Variants in SGCD observed in about 807,000 individuals in gnomAD.
SGCD encodes delta-sarcoglycan.
Under a neutral mutation model 36.6 loss-of-function variants are expected in SGCD, and 18 were observed. That is an observed-to-expected ratio of 0.49 (90% CI 0.34 to 0.73). SGCD has a LOEUF of 0.73. Among genes scored for constraint, SGCD ranks in the 30% least tolerant of loss-of-function variants. The pLI is 0.01. For missense variants in SGCD, 387 were observed against 346.7 expected, an observed-to-expected ratio of 1.12 and a Z score of -0.92; for synonymous variants, 133 against 130.6, an observed-to-expected ratio of 1.02 and a Z score of -0.12.
At chr5:156,059,643 C>T (rs1760153694) in intron 1 of SGCD, among the ~76,000 whole-genome samples, 1 of 146,330 alleles carries the variant, frequency 6.8e-6, no homozygotes, top group South Asian at 2.2e-4. Context: ...TGTGACTTAG[C>T]TGCTACCTGG....
chr5:156,479,119 G>A lies in SGCD; in HGVS notation c.193-29482G>A, dbSNP rs535472132. ...TTATTTTTATTTTTTTCCTGAGACA[G>A]TCTGGCTATGTCACCTAGGCTGGAG... On this transcript the variant is annotated intron_variant, in intron 3 of 8. Transcript: ENST00000337851. Among the ~76,000 whole-genome samples, 143 of 152,046 alleles carry A rather than the reference G, an allele frequency of 9.4e-4. 2 individuals are homozygous for A. The highest frequency in any genetic ancestry group is 3.3e-3 in the African/African-American group (136 of 41,452).
intron 1 of SGCD, among the ~76,000 whole-genome samples, chr5:155,873,455 T>G (rs1755702302): frequency 6.6e-6 from 1 of 152,286 alleles, no homozygotes; most frequent in East Asian, 1.9e-4. Flanking sequence ...TTCTCACTTA[T>G]AAATGTCAGA....
chr5:155,809,639 G>C, the SGCD span, among the ~76,000 whole-genome samples: 1 of 152,142 alleles, frequency 6.6e-6, no homozygotes, highest in Non-Finnish European at 1.5e-5. Flanking sequence ...CAGGGAAAAA[G>C]AGCAAAGAGA....
chr5:156,653,675 T>C (rs1763562700), intron 7 of SGCD, among the ~76,000 whole-genome samples: 1 of 151,862 alleles, frequency 6.6e-6, no homozygotes, highest in Non-Finnish European at 1.5e-5. Flanking sequence ...GACCAGTGTG[T>C]CTGTGAATGT....
At chr5:155,935,131 T>G (rs955109253) in intron 1 of SGCD, among the ~76,000 whole-genome samples, 2 of 152,228 alleles carry the variant, frequency 1.3e-5, no homozygotes, top group Non-Finnish European at 2.9e-5. Flanking sequence ...GTGAGTCAAC[T>G]GATACCCTTT....
chr5:156,747,564 C>T (rs1176113250), intron 7 of SGCD, among the ~76,000 whole-genome samples: 1 of 152,130 alleles, frequency 6.6e-6, no homozygotes, highest in Non-Finnish European at 1.5e-5. Flanking sequence ...CTCATGGCCT[C>T]CCCTCCCTCA....
At chr5:156,408,531 G>C (rs551565562) in intron 3 of SGCD, among the ~76,000 whole-genome samples, 32 of 152,136 alleles carry the variant, frequency 2.1e-4, no homozygotes, top group African/African-American at 6.7e-4. Context: ...GCTGATTTTT[G>C]TCTTTTTAGT....
At chr5:155,967,853 A>G (rs1340254623) in intron 1 of SGCD, among the ~76,000 whole-genome samples, 1 of 152,048 alleles carries the variant, frequency 6.6e-6, no homozygotes, top group Non-Finnish European at 1.5e-5. Flanking sequence ...ACACCTCAAG[A>G]AGGAAAGCAC....
chr5:156,500,569 A>G (rs1026745443), intron 3 of SGCD, among the ~76,000 whole-genome samples: 3 of 152,250 alleles, frequency 2.0e-5, no homozygotes, highest in African/African-American at 7.2e-5. Flanking sequence ...CAAAGGAGCA[A>G]GAAAATCGCA....
intron 3 of SGCD, among the ~76,000 whole-genome samples, chr5:156,428,342 G>T (rs1282824584): frequency 1.3e-5 from 2 of 151,958 alleles, no homozygotes; most frequent in African/African-American, 2.4e-5. Flanking sequence ...GTTCATAGTA[G>T]CCTTGAATGA....
intron 1 of SGCD, among the ~76,000 whole-genome samples, chr5:156,000,869 G>C (rs1758650388): frequency 6.6e-6 from 1 of 151,944 alleles, no homozygotes; most frequent in African/African-American, 2.4e-5. Flanking sequence ...TGGGGCCTAA[G>C]AATTTGCGTA....
chr5:156,714,592 C>G (rs540431166), intron 7 of SGCD, among the ~76,000 whole-genome samples: 1 of 152,268 alleles, frequency 6.6e-6, no homozygotes, highest in South Asian at 2.1e-4. Context: ...AAACCTAAGC[C>G]TATGTTTCCC....
At chr5:156,347,076 C>T (rs1030568307) in intron 3 of SGCD, among the ~76,000 whole-genome samples, 1 of 152,136 alleles carries the variant, frequency 6.6e-6, no homozygotes, top group African/African-American at 2.4e-5. Context: ...GGATTACAGG[C>T]GTGAGCCACC....
Position 155,949,115 on chromosome 5 carries a change from GA to G in SGCD, c.-282+78695del, listed in dbSNP as rs1337587368. 2.0e-5 allele frequency among the ~76,000 whole-genome samples: 3 copies of G among 152,256 alleles called. No individual in the cohort carries two copies. The East Asian group carries it at 5.8e-4, about 29-fold the overall frequency. On this transcript the variant is annotated intron_variant, in intron 1 of 9. Transcript: ENST00000517913. ...TAAATACTGATTGCTGCATTGAAATGAAAAGCAAGATACAGAAAGACATCTA... is the reference window on the plus strand; with the variant it reads ...TAAATACTGATTGCTGCATTGAAATGAAAGCAAGATACAGAAAGACATCTA...
chr5:156,051,726 T>G lies in SGCD; in HGVS notation c.-281-66152T>G, dbSNP rs181493772. Among the ~76,000 whole-genome samples, 94 of 145,434 alleles carry G rather than the reference T, an allele frequency of 6.5e-4. 6 individuals carry two copies. Among genetic ancestry groups the G allele is most frequent in the African/African-American group, 2.2e-3 (91 of 40,538 alleles). On this transcript the variant is annotated intron_variant, in intron 1 of 9. Coordinates refer to the SGCD transcript ENST00000517913. ...CAAATATATAAATGAGCACTCGTGGTAGGAAGGAACAAGCATAGTGCAATA... is the reference window on the plus strand; with the variant it reads ...CAAATATATAAATGAGCACTCGTGGGAGGAAGGAACAAGCATAGTGCAATA...
At chr5:156,572,326 T>C (rs1759755954) in intron 4 of SGCD, among the ~76,000 whole-genome samples, 1 of 152,178 alleles carries the variant, frequency 6.6e-6, no homozygotes, top group Admixed American at 6.5e-5. Flanking sequence ...ACTGACAAGC[T>C]GTTTTTCATA....
chr5:156,256,179 T>C lies in SGCD; in HGVS notation c.-43-73355T>C, dbSNP rs75830591. Among the ~76,000 whole-genome samples, 483 of 111,266 alleles carry C rather than the reference T, an allele frequency of 4.3e-3. 16 individuals carry two copies. In the East Asian group the frequency reaches 0.12, roughly 29 times the overall value. 73.0% of individuals were successfully genotyped at this position (111,266 alleles called of 152,430 possible). On this transcript the variant is annotated intron_variant, in intron 3 of 9. Transcript: ENST00000517913. ...AATTCCAAGAGTCTATATTCTTTTC[T>C]TGTTTCAGAATAAAAACTCTGTTAT... is the stretch of plus-strand genomic sequence containing the variant.
intron 5 of SGCD, among the ~76,000 whole-genome samples, chr5:156,594,234 A>G (rs1196043168): frequency 6.6e-6 from 1 of 152,218 alleles, no homozygotes; most frequent in East Asian, 1.9e-4. Context: ...TCTCCATCAG[A>G]ATATAGATGC....
chr5:155,902,044 C>G (rs1015625399), intron 1 of SGCD, among the ~76,000 whole-genome samples: 4 of 152,158 alleles, frequency 2.6e-5, no homozygotes, highest in African/African-American at 9.7e-5. Flanking sequence ...ATTTAACCAA[C>G]TTGAAATTGT....
Sources: allele counts gnomAD v4.1 joint callset (sites outside exome capture counted in the v4.1 genomes callset), GRCh38; gene constraint gnomAD v4.1.1; transcripts MANE v1.5; gene names NCBI Gene and HGNC (gene_info 2026-07-23, HGNC 2026-07-21).